Variants in SPTLC2 observed in about 807,000 individuals in gnomAD.
SPTLC2 encodes serine palmitoyltransferase long chain base subunit 2.
In SPTLC2, 21 loss-of-function variants were observed where a neutral mutation model predicts 62.0. The observed-to-expected ratio is 0.34, with a 90% CI of 0.24 to 0.49. The LOEUF (loss-of-function observed/expected upper bound fraction) is 0.49. SPTLC2 is among the 20% of genes least tolerant of loss of function. SPTLC2 has a pLI of 0.99. For missense variants in SPTLC2, 511 were observed against 713.0 expected (o/e 0.72, Z 3.23); for synonymous variants, 261 against 261.8 (o/e 1.00, Z 0.03).
intron 11 of SPTLC2, among the ~76,000 whole-genome samples, chr14:77,514,812 C>A (rs1039826552): frequency 1.3e-5 from 2 of 152,228 alleles, no homozygotes; most frequent in African/African-American, 4.8e-5. Flanking sequence ...CTCACTCCCC[C>A]TCCTCTCAGG....
intron 5 of SPTLC2, among the ~76,000 whole-genome samples, chr14:77,565,634 G>C (rs10143360): frequency 0.74 from 112,264 of 152,054 alleles, 43,189 homozygotes; most frequent in East Asian, 0.95. Flanking sequence ...GTACCCTTCA[G>C]AAGTATTAAG....
intron 11 of SPTLC2, among the ~76,000 whole-genome samples, chr14:77,513,450 G>A (rs934004651): frequency 2.6e-5 from 4 of 152,246 alleles, no homozygotes; most frequent in African/African-American, 9.6e-5. Context: ...AGAGCTGAAC[G>A]TCAATGTGCT....
rs577540227 is a variant in SPTLC2 at position 77,537,582 on chromosome 14, A to G, written c.1303+14514T>C. On this transcript the variant is annotated intron_variant, in intron 9 of 11. Coordinates refer to ENST00000216484, the MANE Select transcript of SPTLC2 (RefSeq NM_004863.4). The stretch of plus-strand genomic sequence containing the variant: ...TTTAAATTACAAAGCAAAATTACCT[A>G]TATAGTCAATTACATTAAGGCAAAC... Among the ~76,000 whole-genome samples the G allele has an allele frequency of 3.3e-5, 5 of 152,346 alleles. No homozygotes were observed. The East Asian group carries it at 9.6e-4, about 29-fold the overall frequency.
intron 5 of SPTLC2, 70 bp from the exon 6 acceptor site, chr14:77,562,559 G>T: frequency 8.3e-7 from 1 of 1,208,340 alleles, no homozygotes; most frequent in Non-Finnish European, 1.2e-6. Context: ...ATCACAAAAT[G>T]CCACAAACAC....
intron 9 of SPTLC2, among the ~76,000 whole-genome samples, chr14:77,539,445 C>G (rs2079487277): frequency 7.3e-6 from 1 of 136,428 alleles, no homozygotes; most frequent in Non-Finnish European, 1.5e-5. Flanking sequence ...GTTGTTTATT[C>G]TGAGAATTCA....
intron 9 of SPTLC2, among the ~76,000 whole-genome samples, chr14:77,530,431 C>T (rs913223153): frequency 2.6e-5 from 4 of 152,030 alleles, no homozygotes; most frequent in Non-Finnish European, 5.9e-5. Flanking sequence ...TAGGTTCAAG[C>T]GATTCTCGTG....
intron 9 of SPTLC2, chr14:77,535,958 G>A (rs566501511): frequency 2.2e-6 from 1 of 455,476 alleles, no homozygotes; most frequent in South Asian, 1.6e-5. Context: ...GAGAAACGAT[G>A]ATAGGTATTT....
In SPTLC2 at chr14:77,506,678, C is replaced by G. The variant is rs943118743; in HGVS notation, c.*5606G>C. On this transcript the variant is annotated 3_prime_UTR_variant, in exon 12 of 12. Transcript: ENST00000216484. ...TTCCAGGAAGACCTGGGCCAAATGACCAAGCTTTGCAAAAGAAACCTGGGA... is the reference window on the plus strand; with the variant it reads ...TTCCAGGAAGACCTGGGCCAAATGAGCAAGCTTTGCAAAAGAAACCTGGGA... 6.6e-6 allele frequency: 1 copy of G among 152,234 alleles called. No homozygotes were observed. The highest frequency in any genetic ancestry group is 1.5e-5 in the Non-Finnish European group (1 of 68,068). 9.4% of individuals were successfully genotyped at this position (152,234 alleles called of 1,614,324 possible).
At chr14:77,532,816 T>TA (rs147040201) in intron 9 of SPTLC2, among the ~76,000 whole-genome samples, 74,345 of 147,692 alleles carry the variant, frequency 0.5, 19,200 homozygotes, top group Admixed American at 0.62. Context: ...AATAAATAAA[T>TA]AAATAAAATA....
At chr14:77,570,243 A>AAAAAC in intron 5 of SPTLC2, 141 bp downstream of exon 5, 1 of 1,205,746 alleles carries the variant, frequency 8.3e-7, no homozygotes, top group Non-Finnish European at 1.2e-6. Flanking sequence ...AAAAAAAAGA[A>AAAAAC]AAACAATTTG....
chr14:77,578,184 T>C (rs899366740), intron 3 of SPTLC2, among the ~76,000 whole-genome samples: 1 of 152,078 alleles, frequency 6.6e-6, no homozygotes, highest in African/African-American at 2.4e-5. Flanking sequence ...AATACAATGT[T>C]AAAAATACAA....
intron 4 of SPTLC2, among the ~76,000 whole-genome samples, chr14:77,574,507 G>A (rs2079702701): frequency 6.6e-6 from 1 of 152,142 alleles, no homozygotes; most frequent in South Asian, 2.1e-4. Flanking sequence ...ATAAACCCAA[G>A]AGAAACAAAA....
Position 77,557,420 on chromosome 14 carries a change from T to A in SPTLC2, c.851-274A>T, listed in dbSNP as rs887748746. 6 of 455,570 alleles carry A rather than the reference T, an allele frequency of 1.3e-5. No homozygotes were observed. In the East Asian group the frequency reaches 2.5e-4, roughly 19 times the overall value. 28.2% of individuals were successfully genotyped at this position (455,570 alleles called of 1,614,324 possible). A position where few individuals can be genotyped will look rare whatever the true frequency, so the allele number is the denominator to read the frequency against. ...TAGCTTCCTTATAAAATGACCAGTG[T>A]CTCATGTTAAATACCCTGCCATTAA... On this transcript the variant is annotated intron_variant, in intron 6 of 11. Coordinates refer to ENST00000216484, the MANE Select transcript of SPTLC2 (RefSeq NM_004863.4).
At chr14:77,525,787 G>A (rs539682592) in intron 9 of SPTLC2, among the ~76,000 whole-genome samples, 5 of 152,222 alleles carry the variant, frequency 3.3e-5, no homozygotes, top group South Asian at 2.1e-4. Context: ...GGTGGTGGGC[G>A]CCTGTAGTCC....
chr14:77,531,501 C>G (rs1035783712), intron 9 of SPTLC2, among the ~76,000 whole-genome samples: 1 of 98,560 alleles, frequency 1.0e-5, no homozygotes, highest in Non-Finnish European at 2.1e-5. Flanking sequence ...CCTCCTCCTC[C>G]TCCTCCTCTT....
At chr14:77,562,261 CG>C (rs1379740029) in intron 6 of SPTLC2, 134 bp downstream of exon 6, 2 of 769,566 alleles carry the variant, frequency 2.6e-6, no homozygotes, top group Admixed American at 2.0e-5. Flanking sequence ...AAGACTGGAC[CG>C]GAAGAACATT....
chr14:77,553,426 T>C lies in SPTLC2; in HGVS notation c.1177-1204A>G, dbSNP rs74248943. On this transcript the variant is annotated intron_variant, in intron 8 of 11. Transcript: ENST00000216484. ...GGTCCCATTAACAAAAAGGTAATATTTGAGATAAAAATCTATCAAACCTGG... is the reference window on the plus strand; with the variant it reads ...GGTCCCATTAACAAAAAGGTAATATCTGAGATAAAAATCTATCAAACCTGG... Among the ~76,000 whole-genome samples the C allele has an allele frequency of 9.0e-3, 1,365 of 152,090 alleles. 124 individuals carry two copies. In the East Asian group the frequency reaches 0.19, roughly 22 times the overall value.
At chr14:77,529,183 G>A (rs1420287146) in intron 9 of SPTLC2, among the ~76,000 whole-genome samples, 1 of 150,402 alleles carries the variant, frequency 6.6e-6, no homozygotes, top group African/African-American at 2.4e-5. Flanking sequence ...ATTTTACTTT[G>A]GTTGGATTAT....
rs373013779 is a variant in SPTLC2, at chr14:77,568,824, A to AG, written c.756+1559_756+1560insC. ...CTCTGTCTCAAAAAAAAAAAAAAAA[A>AG]AGAGAGAGGGGTTAATGTCTCTAAT... On this transcript the variant is annotated intron_variant, in intron 5 of 11. Transcript: ENST00000216484. Among the ~76,000 whole-genome samples, 785 of 145,344 alleles carry AG rather than the reference A, an allele frequency of 5.4e-3. 6 individuals are homozygous for AG. The highest frequency in any genetic ancestry group is 0.014 in the African/African-American group (573 of 40,194).
Sources: allele counts gnomAD v4.1 joint callset (sites outside exome capture counted in the v4.1 genomes callset), GRCh38; gene constraint gnomAD v4.1.1; transcripts MANE v1.5; gene names NCBI Gene and HGNC (gene_info 2026-07-23, HGNC 2026-07-21).